The following YWHAZ variants were observed in gnomAD, a reference collection of about 807,000 sequenced individuals.
The protein encoded by YWHAZ is tyrosine 3-monooxygenase/tryptophan 5-monooxygenase activation protein zeta, also known as 14-3-3 protein zeta/delta.
For synonymous variants in YWHAZ, 87 were observed against 103.6 expected (o/e 0.84, Z 0.97); for missense variants, 79 against 284.8 (o/e 0.28, Z 5.20).
chr8:100,949,010 G>C (rs1264483654), intron 1 of YWHAZ, 110 bp from the exon 2 acceptor site: 6 of 1,256,794 alleles, frequency 4.8e-6, no homozygotes, highest in Admixed American at 2.5e-5. Context: ...AACTGCCTGT[G>C]AAAGACTGTT....
intron 2 of YWHAZ, among the ~76,000 whole-genome samples, chr8:100,938,864 C>T (rs1375256760): frequency 1.3e-5 from 2 of 152,150 alleles, no homozygotes; most frequent in Non-Finnish European, 2.9e-5. Flanking sequence ...GTGTCAAGAA[C>T]TAATTTATTA....
intron 2 of YWHAZ, among the ~76,000 whole-genome samples, chr8:100,943,409 A>G (rs1327625253): frequency 6.6e-6 from 1 of 152,236 alleles, no homozygotes; most frequent in African/African-American, 2.4e-5. Context: ...ATTCTGACTT[A>G]AAAATTCTCA....
chr8:100,953,207 G>C (rs1344875563), upstream of YWHAZ: 1 of 985,222 alleles, frequency 1.0e-6, no homozygotes, highest in Non-Finnish European at 1.2e-6. Context: ...TCGTAGGCTA[G>C]GTTTTCCTAC....
At chr8:100,921,085 G>A (rs1330323737) in intron 5 of YWHAZ, among the ~76,000 whole-genome samples, 1 of 152,140 alleles carries the variant, frequency 6.6e-6, no homozygotes. Context: ...CCAGGCTGGA[G>A]TGCAGTGGCG....
In YWHAZ at chr8:100,948,222, T is replaced by C. The variant is rs1256517676; in HGVS notation, c.294+374A>G. 3 of 1,249,998 alleles carry C rather than the reference T, an allele frequency of 2.4e-6. No individual in the cohort carries two copies. Among genetic ancestry groups the C allele is most frequent in the African/African-American group, 3.0e-5 (2 of 65,970 alleles). The allele number at this position is 1,249,998 out of a possible 1,614,324, so 77.4% of individuals were successfully genotyped here. A position where few individuals can be genotyped will look rare whatever the true frequency, so the allele number is the denominator to read the frequency against. On this transcript the variant is annotated intron_variant, in intron 2 of 5. Coordinates refer to ENST00000395958, the MANE Select transcript of YWHAZ (RefSeq NM_145690.3). This position sits in a 1 kb window ranked among gnomAD's most constrained non-coding sequence, Gnocchi z 4.2. ...AGTATCCTATTACATCTCTCTTACC[T>C]AAAGTATGTAAAATTCCTTTATCCA... is the stretch of plus-strand genomic sequence containing the variant.
In YWHAZ at chr8:100,918,443, T is replaced by TATATA. The variant is rs1417316114; in HGVS notation, c.*2249_*2250insTATAT. ...ATATATATATATATATATATATATATAATTATTTTACCTCCTTGGCTTGGG... is the reference window on the plus strand; with the variant it reads ...ATATATATATATATATATATATATATATATAAATTATTTTACCTCCTTGGCTTGGG... On this transcript the variant is annotated 3_prime_UTR_variant, in exon 6 of 6. Transcript: ENST00000395958. The TATATA allele has an allele frequency of 3.4e-5, 4 of 117,062 alleles. No individual in the cohort carries two copies. Among genetic ancestry groups the TATATA allele is most frequent in the East Asian group, 3.0e-4 (1 of 3,310 alleles). 7.3% of individuals were successfully genotyped at this position (117,062 alleles called of 1,614,324 possible).
chr8:100,950,991 C>T (rs1810708354), intron 1 of YWHAZ: 3 of 251,202 alleles, frequency 1.2e-5, no homozygotes, highest in Non-Finnish European at 1.9e-5. Flanking sequence ...GAGCCGACTG[C>T]GGGCTCACCA....
intron 2 of YWHAZ, among the ~76,000 whole-genome samples, chr8:100,932,860 G>A (rs572837724): frequency 5.3e-5 from 8 of 151,894 alleles, no homozygotes; most frequent in Admixed American, 5.2e-4. Flanking sequence ...TCAGATTCAA[G>A]GACATTAAAA....
At chr8:100,952,950 A>G (rs1050522316), upstream of YWHAZ, 3 of 1,000,376 alleles carry the variant, frequency 3.0e-6, no homozygotes, top group East Asian at 2.3e-4. Context: ...AGGCGTTCCA[A>G]TCGAGAGCGC....
intron 2 of YWHAZ, among the ~76,000 whole-genome samples, chr8:100,945,098 T>C (rs1810166107): frequency 6.6e-6 from 1 of 152,228 alleles, no homozygotes; most frequent in Admixed American, 6.5e-5. Flanking sequence ...TCTAAGCATC[T>C]GGCAGGAAAG....
At position 100,917,660 on chromosome 8, in the gene YWHAZ, A is replaced by C. The variant is rs1425758707; in HGVS notation, c.*3033T>G. The C allele has an allele frequency of 6.6e-6, 1 of 152,216 alleles. No homozygotes were observed. The highest frequency in any genetic ancestry group is 1.5e-5 in the Non-Finnish European group (1 of 68,038). 9.4% of individuals were successfully genotyped at this position (152,216 alleles called of 1,614,324 possible). ...CTTCAGCCTGGGAGGAGAAGGTTGC[A>C]GTGAGCCGAGATCAGGCCACTGCAC... is the stretch of plus-strand genomic sequence containing the variant. On this transcript the variant is annotated 3_prime_UTR_variant, in exon 6 of 6. Coordinates refer to ENST00000395958, the MANE Select transcript of YWHAZ (RefSeq NM_145690.3).
chr8:100,950,655 C>CGTT (rs1554618194), intron 1 of YWHAZ: 14 of 826,006 alleles, frequency 1.7e-5, no homozygotes, highest in Non-Finnish European at 1.7e-5. Context: ...CCGCCCAAGC[C>CGTT]GTGGGGGGGG....
Position 100,924,054 on chromosome 8 carries a change from C to T in YWHAZ, c.583-4G>A, listed in dbSNP as rs759539242. The T allele has an allele frequency of 3.7e-6, 6 of 1,608,186 alleles. No homozygotes were observed. Among genetic ancestry groups the T allele is most frequent in the African/African-American group, 2.7e-5 (2 of 74,500 alleles). ...CAGCAATGGCTTCATCAAAAGCCTA[C>T]GATTTAAAAATAGTACATTACATTT... is the stretch of plus-strand genomic sequence containing the variant. On this transcript the variant is annotated splice_region_variant and splice_polypyrimidine_tract_variant and intron_variant, in intron 4 of 5. Coordinates refer to ENST00000395958, the MANE Select transcript of YWHAZ (RefSeq NM_145690.3). The surrounding 1 kb of genome is among the most constrained non-coding windows in gnomAD (Gnocchi z 5.7).
chr8:100,930,245 C>T (rs1167025792), intron 2 of YWHAZ, among the ~76,000 whole-genome samples: 3 of 152,208 alleles, frequency 2.0e-5, no homozygotes, highest in African/African-American at 4.8e-5. Flanking sequence ...ACTGCAGGCA[C>T]ATGCCATCAC....
At chr8:100,942,379 C>G (rs925681333) in intron 2 of YWHAZ, among the ~76,000 whole-genome samples, 1 of 152,184 alleles carries the variant, frequency 6.6e-6, no homozygotes, top group Non-Finnish European at 1.5e-5. Context: ...TTCACATATA[C>G]AAGCTTTTCA....
Position 100,948,528 on chromosome 8 carries a change from A to G in YWHAZ, c.294+68T>C, listed in dbSNP as rs1445449948. On this transcript the variant is annotated intron_variant, in intron 2 of 5. Coordinates refer to ENST00000395958, the MANE Select transcript of YWHAZ (RefSeq NM_145690.3). This position sits in a 1 kb window ranked among gnomAD's most constrained non-coding sequence, Gnocchi z 4.2. ...GAAAAGAAAAACCAAACAAAAAGTTAAGAGTAATGTAACTGATACTCATAG... is the reference window on the plus strand; with the variant it reads ...GAAAAGAAAAACCAAACAAAAAGTTGAGAGTAATGTAACTGATACTCATAG... 6.7e-7 allele frequency: 1 copy of G among 1,493,022 alleles called. No homozygotes were observed. The highest frequency in any genetic ancestry group is 9.0e-7 in the Non-Finnish European group (1 of 1,111,106). The allele number at this position is 1,493,022 out of a possible 1,614,324, so 92.5% of individuals were successfully genotyped here.
intron 2 of YWHAZ, among the ~76,000 whole-genome samples, chr8:100,927,055 C>T (rs1235203686): frequency 1.3e-5 from 2 of 152,168 alleles, no homozygotes; most frequent in South Asian, 2.1e-4. Context: ...AAGGCAGAGA[C>T]CTCTAAGATT....
At position 100,932,945 on chromosome 8, in the gene YWHAZ, A is replaced by G. The variant is rs114565256; in HGVS notation, c.295-7906T>C. ...GAAATACAATAATCACTAGTACAGT[A>G]TAGTATCACTGCCTTGATTAGCGAT... On this transcript the variant is annotated intron_variant, in intron 2 of 5. Coordinates refer to ENST00000395958, the MANE Select transcript of YWHAZ (RefSeq NM_145690.3). 5.2e-3 allele frequency among the ~76,000 whole-genome samples: 787 copies of G among 152,346 alleles called. 9 individuals are homozygous for G. Among genetic ancestry groups the G allele is most frequent in the African/African-American group, 0.017 (716 of 41,576 alleles).
chr8:100,929,865 A>G (rs1813640687), intron 2 of YWHAZ, among the ~76,000 whole-genome samples: 1 of 152,214 alleles, frequency 6.6e-6, no homozygotes, highest in East Asian at 1.9e-4. Flanking sequence ...ACAACAAAGC[A>G]GAAAAAAACA....
Sources: gnomAD v4.1 joint callset for allele counts (sites outside exome capture counted in the v4.1 genomes callset) on GRCh38, gnomAD v4.1.1 for gene constraint, Gnocchi (gnomAD v3.1) non-coding constraint, MANE v1.5 for transcripts, NCBI Gene and HGNC (gene_info 2026-07-23, HGNC 2026-07-21) for gene names.